The following STK40 variants were observed in gnomAD, a reference collection of about 807,000 sequenced individuals.
STK40 encodes serine/threonine-protein kinase 40.
Under a neutral mutation model 47.9 loss-of-function variants are expected in STK40, and 13 were observed. That is an observed-to-expected ratio of 0.27 (90% confidence interval 0.18 to 0.43). The LOEUF (loss-of-function observed/expected upper bound fraction) is 0.43. Ranked by LOEUF, STK40 falls within the 20% of genes least tolerant of loss-of-function variation. The probability of loss-of-function intolerance (pLI) is 1.00; values close to 1 mark genes in which losing one functional copy is unlikely to be tolerated. For synonymous variants in STK40, 225 were observed against 243.2 expected (o/e 0.93, Z 0.69); for missense variants, 460 against 595.1 (o/e 0.77, Z 2.36).
intron 1 of STK40, among the ~76,000 whole-genome samples, chr1:36,382,278 C>T (rs1394050169): frequency 6.6e-6 from 1 of 152,016 alleles, no homozygotes; most frequent in Admixed American, 6.6e-5. Context: ...CTCCTGGGCT[C>T]AAGAGATCCT....
chr1:36,354,056 C>T (rs1646781524), intron 6 of STK40, among the ~76,000 whole-genome samples: 1 of 152,144 alleles, frequency 6.6e-6, no homozygotes, highest in Non-Finnish European at 1.5e-5. Context: ...GGAGCCACCG[C>T]ACCTGACCAT....
chr1:36,348,866 A>G (rs1375536189), intron 6 of STK40, 51 bp from the exon 7 acceptor site: 2 of 1,481,564 alleles, frequency 1.3e-6, no homozygotes, highest in Admixed American at 3.9e-5. Context: ...AGCAACAGGC[A>G]CAAGACACGC....
rs1185559028 is a variant in STK40, at chr1:36,352,594, C to T, written c.623+1770G>A. 3.3e-5 allele frequency among the ~76,000 whole-genome samples: 5 copies of T among 152,194 alleles called. No individual in the cohort carries two copies. In the East Asian group the frequency reaches 9.6e-4, roughly 29 times the overall value. On this transcript the variant is annotated intron_variant, in intron 6 of 10. Transcript: ENST00000373132. ...CCTCAACTCACTCACTCAGCCAGTC[C>T]AGGGTTCAAGCAGCTCTGGAATTTC...
intron 1 of STK40, among the ~76,000 whole-genome samples, chr1:36,361,644 T>C (rs1646853660): frequency 6.6e-6 from 1 of 152,102 alleles, no homozygotes. Context: ...AACTGGGCTT[T>C]GTGCAGATGC....
chr1:36,345,987 A>ATTTT (rs1397972473), intron 7 of STK40, among the ~76,000 whole-genome samples: 28 of 17,268 alleles, frequency 1.6e-3, no homozygotes, highest in Non-Finnish European at 2.4e-3. Flanking sequence ...ATATATATAT[A>ATTTT]TATATTTTTT....
intron 6 of STK40, 46 bp downstream of exon 6, chr1:36,354,317 GC>G (rs1204260947): frequency 6.2e-7 from 1 of 1,605,302 alleles, no homozygotes; most frequent in East Asian, 2.2e-5. Flanking sequence ...TGTGTAGCCT[GC>G]CCCAGCCCCG....
At chr1:36,378,830 A>C (rs1173747086) in intron 1 of STK40, among the ~76,000 whole-genome samples, 4 of 152,114 alleles carry the variant, frequency 2.6e-5, no homozygotes, top group Non-Finnish European at 5.9e-5. Context: ...AAGAACACAC[A>C]CTATGAAACT....
Position 36,352,308 on chromosome 1 carries a change from C to T in STK40, c.623+2056G>A, listed in dbSNP as rs570636170. Among the ~76,000 whole-genome samples the T allele has an allele frequency of 1.2e-4, 19 of 152,270 alleles. No homozygotes were observed. The South Asian group carries it at 3.1e-3, about 25-fold the overall frequency. The stretch of plus-strand genomic sequence containing the variant: ...GGCTACATTAGCACTGGGGTGTGCC[C>T]GTGATGCGCCAAACCCCATCATATT... On this transcript the variant is annotated intron_variant, in intron 6 of 10. Transcript: ENST00000373132.
At chr1:36,358,948 A>AC in intron 2 of STK40, 126 bp from the exon 3 acceptor site, 1 of 982,694 alleles carries the variant, frequency 1.0e-6, no homozygotes, top group Non-Finnish European at 1.5e-6. Context: ...TACTGGACTG[A>AC]CCCTCCAAGG....
In STK40 at chr1:36,343,353, C is replaced by A; in HGVS notation, c.1089+11G>T. On this transcript the variant is annotated intron_variant, in intron 10 of 10. Coordinates refer to ENST00000373132, the MANE Select transcript of STK40 (RefSeq NM_001282547.2). Reference sequence around the variant, plus strand: ...GGCTGGGTAATGGCCCATCTGCCCTCCCCAACTCACCTCCTGGGAGCTATC... The same window carrying A: ...GGCTGGGTAATGGCCCATCTGCCCTACCCAACTCACCTCCTGGGAGCTATC... 1 of 1,610,204 alleles carries A rather than the reference C, an allele frequency of 6.2e-7. No individual in the cohort carries two copies. Among genetic ancestry groups the A allele is most frequent in the Non-Finnish European group, 8.5e-7 (1 of 1,177,886 alleles).
chr1:36,344,370 C>T (rs998041630), intron 7 of STK40, 106 bp from the exon 8 acceptor site: 18 of 1,434,954 alleles, frequency 1.3e-5, no homozygotes, highest in Admixed American at 2.3e-5. Context: ...CACTTCCAGT[C>T]CCCCCAGAGT....
intron 4 of STK40, 122 bp downstream of exon 4, chr1:36,358,116 AC>A: frequency 8.0e-7 from 1 of 1,256,364 alleles, no homozygotes. Flanking sequence ...GTCCTGATGT[AC>A]CTAGCATGGC....
rs1646648567 is a variant in STK40 at position 36,341,662 on chromosome 1, G to A, written c.*93C>T. The A allele has an allele frequency of 2.7e-6, 4 of 1,477,352 alleles. No homozygotes were observed. Among genetic ancestry groups the A allele is most frequent in the Non-Finnish European group, 2.8e-6 (3 of 1,079,424 alleles). 91.5% of individuals were successfully genotyped at this position (1,477,352 alleles called of 1,614,324 possible). Reference sequence around the variant, plus strand: ...GCCCTGTCCCTATTGTGGCCCGGGAGAGTCCAGCACTACAGGGCCCAGCCC... The same window carrying A: ...GCCCTGTCCCTATTGTGGCCCGGGAAAGTCCAGCACTACAGGGCCCAGCCC... On this transcript the variant is annotated 3_prime_UTR_variant, in exon 11 of 11. Coordinates refer to ENST00000373132, the MANE Select transcript of STK40 (RefSeq NM_001282547.2).
At chr1:36,349,078 A>G (rs1220544944) in intron 6 of STK40, among the ~76,000 whole-genome samples, 1 of 152,136 alleles carries the variant, frequency 6.6e-6, no homozygotes, top group South Asian at 2.1e-4. Context: ...TGCACAGGCC[A>G]TCCCTGGACC....
At chr1:36,372,198 T>C (rs1305212236) in intron 1 of STK40, among the ~76,000 whole-genome samples, 1 of 151,458 alleles carries the variant, frequency 6.6e-6, no homozygotes, top group African/African-American at 2.4e-5. Flanking sequence ...GAAAAAGAAA[T>C]TGAGCCCGGG....
chr1:36,372,799 G>C (rs1557522319), intron 1 of STK40: 3 of 152,250 alleles, frequency 2.0e-5, no homozygotes, highest in Non-Finnish European at 4.4e-5. Flanking sequence ...TGAGTCAGAG[G>C]TGGGTTACTG....
intron 10 of STK40, 62 bp downstream of exon 10, chr1:36,343,302 C>T (rs1287790484): frequency 1.3e-6 from 2 of 1,556,290 alleles, no homozygotes; most frequent in Non-Finnish European, 1.8e-6. Context: ...CCTTGCCCTG[C>T]CTGCCCCCAG....
chr1:36,385,419 C>T (rs919888895), intron 1 of STK40, among the ~76,000 whole-genome samples: 1 of 152,220 alleles, frequency 6.6e-6, no homozygotes, highest in Non-Finnish European at 1.5e-5. Flanking sequence ...GCTGGATTCA[C>T]ACGCCGGTTG....
intron 1 of STK40, among the ~76,000 whole-genome samples, chr1:36,379,399 T>C (rs1647020945): frequency 2.1e-5 from 1 of 48,702 alleles, no homozygotes; most frequent in African/African-American, 1.6e-4. Context: ...TTGTAGCCTC[T>C]TTTTTTTTTT....
Sources: allele counts gnomAD v4.1 joint callset (sites outside exome capture counted in the v4.1 genomes callset), GRCh38; gene constraint gnomAD v4.1.1; transcripts MANE v1.5; gene names NCBI Gene and HGNC (gene_info 2026-07-23, HGNC 2026-07-21).